LEPROTL1: variants seen among roughly 807,000 people sequenced by gnomAD.
The protein encoded by LEPROTL1 is leptin receptor overlapping transcript-like 1.
LEPROTL1 carries 6 observed loss-of-function variants against 15.4 expected under a neutral mutation model. The observed-to-expected ratio is 0.39, with a 90% CI of 0.21 to 0.77. The LOEUF is 0.77. Ranked by LOEUF, LEPROTL1 falls within the 30% of genes least tolerant of loss-of-function variation. LEPROTL1 has a pLI of 0.41. For missense variants in LEPROTL1, 128 were observed against 158.1 expected (o/e 0.81, Z 1.02); for synonymous variants, 56 against 52.6 (o/e 1.06, Z -0.28).
chr8:30,137,225 A>G (rs951063708), intron 4 of LEPROTL1: 4 of 1,410,042 alleles, frequency 2.8e-6, no homozygotes, highest in African/African-American at 2.9e-5. Flanking sequence ...CTGATTCATG[A>G]CAACACTTCT....
At chr8:30,137,650 T>C in exon 5 of LEPROTL1, 2 of 638,898 alleles carry the variant, frequency 3.1e-6, no homozygotes, top group Middle Eastern at 4.3e-4. Context: ...CCTAACCAAC[T>C]CCATCTTGCT....
At chr8:30,102,545 G>A (rs537762823) in intron 2 of LEPROTL1, among the ~76,000 whole-genome samples, 38 of 151,812 alleles carry the variant, frequency 2.5e-4, no homozygotes, top group African/African-American at 8.2e-4. Flanking sequence ...CCAGGTACTC[G>A]GGAGGCTGAG....
At chr8:30,137,536 T>G (rs1434522906) in exon 5 of LEPROTL1, 1 of 1,423,396 alleles carries the variant, frequency 7.0e-7, no homozygotes, top group African/African-American at 1.4e-5. Context: ...CTGCACCATG[T>G]AGGCAACACG....
chr8:30,104,670 C>T, intron 3 of LEPROTL1, 184 bp downstream of exon 3: 2 of 410,790 alleles, frequency 4.9e-6, no homozygotes, highest in Non-Finnish European at 4.3e-6. Flanking sequence ...GAGAACGTGG[C>T]TTGGATCTGC....
intron 3 of LEPROTL1, among the ~76,000 whole-genome samples, chr8:30,122,718 C>T (rs1468315171): frequency 6.6e-6 from 1 of 152,070 alleles, no homozygotes; most frequent in Non-Finnish European, 1.5e-5. Flanking sequence ...TCCCTTGAAC[C>T]TAGGAGGTGG....
At position 30,114,973 on chromosome 8, in the gene LEPROTL1, C is replaced by T. The variant is rs149859311; in HGVS notation, c.279+10487C>T. Among the ~76,000 whole-genome samples, 282 of 152,278 alleles carry T rather than the reference C, an allele frequency of 1.9e-3. 2 individuals carry two copies. Among genetic ancestry groups the T allele is most frequent in the African/African-American group, 3.0e-3 (124 of 41,540 alleles). On this transcript the variant is annotated intron_variant, in intron 3 of 4. Coordinates refer to the LEPROTL1 transcript ENST00000442880. ...ATCTCAAGACATGGGGGAATGTGAACGCCAGCAAGACAGTTGACCGCCCTT... is the reference window on the plus strand; with the variant it reads ...ATCTCAAGACATGGGGGAATGTGAATGCCAGCAAGACAGTTGACCGCCCTT...
At chr8:30,119,513 G>A (rs1802795037) in intron 3 of LEPROTL1, among the ~76,000 whole-genome samples, 1 of 152,062 alleles carries the variant, frequency 6.6e-6, no homozygotes, top group African/African-American at 2.4e-5. Flanking sequence ...CAATTCACTT[G>A]TCAATTTCTA....
At chr8:30,136,088 C>T (rs948756128) in intron 4 of LEPROTL1, among the ~76,000 whole-genome samples, 11 of 152,106 alleles carry the variant, frequency 7.2e-5, no homozygotes, top group African/African-American at 2.7e-4. Flanking sequence ...GCAAGGTAGC[C>T]TCCAAATGCC....
At chr8:30,128,484 C>T (rs1370313943) in intron 3 of LEPROTL1, among the ~76,000 whole-genome samples, 1 of 152,084 alleles carries the variant, frequency 6.6e-6, no homozygotes, top group Admixed American at 6.6e-5. Flanking sequence ...GACACAGTGG[C>T]TCACGGCTAT....
chr8:30,131,556 G>T (rs1012324269), intron 3 of LEPROTL1, among the ~76,000 whole-genome samples: 1 of 152,068 alleles, frequency 6.6e-6, no homozygotes, highest in South Asian at 2.1e-4. Context: ...TTTTGTTTTG[G>T]TTTTGTGTTG....
At chr8:30,121,015 CTG>C (rs1399989009) in intron 3 of LEPROTL1, among the ~76,000 whole-genome samples, 1 of 152,170 alleles carries the variant, frequency 6.6e-6, no homozygotes, top group Non-Finnish European at 1.5e-5. Flanking sequence ...CCATTCTACT[CTG>C]TTTCTGTAAG....
chr8:30,106,840 T>C lies in LEPROTL1; in HGVS notation c.*978T>C, dbSNP rs1349342685. The C allele has an allele frequency of 3.0e-6, 3 of 984,572 alleles. No individual in the cohort carries two copies. The highest frequency in any genetic ancestry group is 3.6e-6 in the Non-Finnish European group (3 of 828,856). 61.0% of individuals were successfully genotyped at this position (984,572 alleles called of 1,614,324 possible). On this transcript the variant is annotated 3_prime_UTR_variant, in exon 4 of 4. Coordinates refer to ENST00000321250, the MANE Select transcript of LEPROTL1 (RefSeq NM_015344.3). ...TCCTCTGCTTCCTCCTTTTGACTTATTTGGTATGTTGTATATATTACATAA... is the reference window on the plus strand; with the variant it reads ...TCCTCTGCTTCCTCCTTTTGACTTACTTGGTATGTTGTATATATTACATAA...
chr8:30,107,804 A>G lies in LEPROTL1; in HGVS notation c.*1942A>G. On this transcript the variant is annotated 3_prime_UTR_variant, in exon 4 of 4. Transcript: ENST00000321250. The stretch of plus-strand genomic sequence containing the variant: ...GGTCCTTCCCTATTTTCTGTTCTGG[A>G]TGTCAGTGCAGTGCACTGCTACTGT... 1.0e-6 allele frequency: 1 copy of G among 985,276 alleles called. No individual in the cohort carries two copies. The highest frequency in any genetic ancestry group is 1.2e-6 in the Non-Finnish European group (1 of 829,914). 61.0% of individuals were successfully genotyped at this position (985,276 alleles called of 1,614,324 possible). A position where few individuals can be genotyped will look rare whatever the true frequency, so the allele number is the denominator to read the frequency against.
downstream of LEPROTL1, chr8:30,137,769 A>G: frequency 2.4e-6 from 1 of 420,546 alleles, no homozygotes; most frequent in East Asian, 4.1e-5. Context: ...CCCAAAACAA[A>G]CCCCCTTCTT....
chr8:30,104,559 G>A, intron 3 of LEPROTL1, 73 bp downstream of exon 3: 2 of 1,003,138 alleles, frequency 2.0e-6, no homozygotes, highest in South Asian at 2.3e-5. Flanking sequence ...CAAAGTTTTT[G>A]TTAATGACAT....
At chr8:30,131,929 G>T (rs1415166503) in intron 3 of LEPROTL1, 2 of 1,535,928 alleles carry the variant, frequency 1.3e-6, no homozygotes, top group Non-Finnish European at 1.8e-6. Flanking sequence ...TAAGGTGAAA[G>T]CCAGGGAAAG....
intron 3 of LEPROTL1, among the ~76,000 whole-genome samples, chr8:30,120,571 C>T (rs549945278): frequency 6.6e-6 from 1 of 152,306 alleles, no homozygotes; most frequent in Non-Finnish European, 1.5e-5. Context: ...TTCTCTGTCA[C>T]CCAGGCTGGA....
intron 3 of LEPROTL1, among the ~76,000 whole-genome samples, chr8:30,127,320 C>T (rs1802918942): frequency 1.3e-5 from 2 of 152,108 alleles, no homozygotes; most frequent in African/African-American, 4.8e-5. Flanking sequence ...GAATGAGATC[C>T]CCTGGGGACC....
At chr8:30,101,660 C>T (rs962225253) in intron 1 of LEPROTL1, among the ~76,000 whole-genome samples, 3 of 99,792 alleles carry the variant, frequency 3.0e-5, no homozygotes, top group African/African-American at 1.1e-4. Flanking sequence ...AAGAGTGAAA[C>T]TCCATCTCAC....
Sources: gnomAD v4.1 joint callset for allele counts (sites outside exome capture counted in the v4.1 genomes callset) on GRCh38, gnomAD v4.1.1 for gene constraint, MANE v1.5 for transcripts, NCBI Gene and HGNC (gene_info 2026-07-23, HGNC 2026-07-21) for gene names.